Variants in FREM1 observed in about 807,000 individuals in gnomAD.
FREM1 encodes the protein FRAS1 related extracellular matrix 1, also known as FRAS1-related extracellular matrix protein 1.
FREM1 carries 220 observed loss-of-function variants against 210.1 expected under a neutral mutation model. The ratio of observed to expected loss-of-function variants is 1.05; its 90% CI spans 0.94 to 1.17. The LOEUF (loss-of-function observed/expected upper bound fraction) is 1.17. Ranked by LOEUF, FREM1 falls within the 50% of genes most tolerant of loss-of-function variation. FREM1 has a pLI of 0.00. For missense variants in FREM1, 3,454 were observed against 2,675.5 expected (o/e 1.29, Z -6.42); for synonymous variants, 1,189 against 980.2 (o/e 1.21, Z -3.98).
At chr9:14,767,883 C>T (rs1240835391) in intron 27 of FREM1, among the ~76,000 whole-genome samples, 3 of 152,098 alleles carry the variant, frequency 2.0e-5, no homozygotes, top group Admixed American at 6.6e-5. Context: ...TTTGTTCAGT[C>T]ATGAACAAAT....
At chr9:14,859,568 T>C (rs1218230900) in intron 3 of FREM1, 84 bp from the exon 4 acceptor site, 1 of 1,194,150 alleles carries the variant, frequency 8.4e-7, no homozygotes, top group East Asian at 2.4e-5. Context: ...AGACTAAAGA[T>C]TGGCCTTCAC....
chr9:14,765,943 A>T (rs536511875), intron 27 of FREM1, among the ~76,000 whole-genome samples: 1 of 152,334 alleles, frequency 6.6e-6, no homozygotes, highest in South Asian at 2.1e-4. Flanking sequence ...GGTCCACAAA[A>T]GTGCTTTTCA....
At chr9:14,865,586 G>A (rs558776642) in intron 2 of FREM1, among the ~76,000 whole-genome samples, 4 of 151,776 alleles carry the variant, frequency 2.6e-5, no homozygotes, top group African/African-American at 4.8e-5. Flanking sequence ...TAATACAGTC[G>A]TCTTGCTAGA....
At chr9:14,823,960 G>T in intron 12 of FREM1, 65 bp downstream of exon 12, 1 of 902,594 alleles carries the variant, frequency 1.1e-6, no homozygotes, top group Non-Finnish European at 1.7e-6. Context: ...ACAATACTAG[G>T]CATGCCATAC....
In FREM1 at chr9:14,756,456, G is replaced by GAA. The variant is rs140882884; in HGVS notation, c.5335-12_5335-11dup. The GAA allele has an allele frequency of 4.6e-6, 7 of 1,523,520 alleles. No homozygotes were observed. The highest frequency in any genetic ancestry group is 4.2e-5 in the African/African-American group (3 of 72,200). The allele number at this position is 1,523,520 out of a possible 1,614,324, so 94.4% of individuals were successfully genotyped here. ...CTGACACTTGGTTGACCTTAGGAGG[G>GAA]AAAAAAAAATCTTTTTAAGATAAAA... On this transcript the variant is annotated splice_polypyrimidine_tract_variant and intron_variant, in intron 28 of 36. Transcript: ENST00000380880.
At chr9:14,779,570 A>C in intron 24 of FREM1, 41 of 797,022 alleles carry the variant, frequency 5.1e-5, no homozygotes, top group Admixed American at 6.2e-5. Context: ...CTCAAAGCTC[A>C]TCTCAGGACG....
chr9:14,827,386 G>C (rs192611722), intron 10 of FREM1, among the ~76,000 whole-genome samples: 5 of 152,330 alleles, frequency 3.3e-5, no homozygotes, highest in African/African-American at 4.8e-5. Flanking sequence ...AGGCAGAACT[G>C]AGCAGGGATG....
At chr9:14,882,441 TA>T (rs201305918) in intron 1 of FREM1, among the ~76,000 whole-genome samples, 8 of 151,036 alleles carry the variant, frequency 5.3e-5, no homozygotes, top group African/African-American at 1.7e-4. Flanking sequence ...TCCCGATTAT[TA>T]TTTTTTTAAT....
In FREM1 at chr9:14,845,980, T is replaced by C. The variant is rs375554558; in HGVS notation, c.1373A>G (p.His458Arg). 83 of 1,613,540 alleles carry C rather than the reference T, an allele frequency of 5.1e-5. No individual in the cohort carries two copies. The highest frequency in any genetic ancestry group is 6.9e-5 in the Non-Finnish European group (81 of 1,179,724). The change falls in exon 8 of 37, where the codon CAT becomes CGT. Residue 458 changes from histidine to arginine, a missense_variant. Coordinates refer to ENST00000380880, the MANE Select transcript of FREM1 (RefSeq NM_001379081.2). ...VRLVTVGGLQ[H>R]GWLTLRGGKG... Reference sequence around the variant, plus strand: ...TTCACCTCTTAAAGTCAGCCATCCATGCTGCAGGCCACCAACGGTGACTAG... The same window carrying C: ...TTCACCTCTTAAAGTCAGCCATCCACGCTGCAGGCCACCAACGGTGACTAG...
In FREM1 at chr9:14,784,645, TAA is replaced by T. The variant is rs751322869; in HGVS notation, c.4178-13_4178-12del. The T allele has an allele frequency of 5.9e-6, 9 of 1,532,780 alleles. No individual in the cohort carries two copies. The highest frequency in any genetic ancestry group is 1.4e-5 in the African/African-American group (1 of 73,506). 94.9% of individuals were successfully genotyped at this position (1,532,780 alleles called of 1,614,324 possible). The stretch of plus-strand genomic sequence containing the variant: ...GGATGACAATATCACCTACATGACA[TAA>T]GAGGTTATGGTCAATAATCATATCA... On this transcript the variant is annotated splice_polypyrimidine_tract_variant and intron_variant, in intron 23 of 36. Coordinates refer to ENST00000380880, the MANE Select transcript of FREM1 (RefSeq NM_001379081.2).
In FREM1 at chr9:14,738,311, C is replaced by T. The variant is rs185278514; in HGVS notation, c.6341-716G>A. The stretch of plus-strand genomic sequence containing the variant: ...AGGAACTCCCTGCCATAGCATGATC[C>T]GACATTCCCCAAATCAAATTTGACC... On this transcript the variant is annotated intron_variant, in intron 36 of 36. Coordinates refer to ENST00000380880, the MANE Select transcript of FREM1 (RefSeq NM_001379081.2). 2.5e-3 allele frequency among the ~76,000 whole-genome samples: 375 copies of T among 152,170 alleles called. 2 individuals carry two copies. The highest frequency in any genetic ancestry group is 1.4e-3 in the Non-Finnish European group (93 of 68,012).
rs1552896 is a variant in FREM1, at chr9:14,841,389, C to G, written c.1881+58G>C. The G allele has an allele frequency of 0.21, 287,930 of 1,381,686 alleles. 32,641 individuals are homozygous for G. Among genetic ancestry groups the G allele is most frequent in the Middle Eastern group, 0.26 (1,398 of 5,336 alleles). 85.6% of individuals were successfully genotyped at this position (1,381,686 alleles called of 1,614,324 possible). The stretch of plus-strand genomic sequence containing the variant: ...TTTCATGTGGTTTCTAACCACATCT[C>G]CTAGAATTGACACCTGTGCACAAGA... On this transcript the variant is annotated intron_variant, in intron 10 of 36. Transcript: ENST00000380880.
chr9:14,889,325 C>A (rs956993725), intron 1 of FREM1, among the ~76,000 whole-genome samples: 3 of 152,242 alleles, frequency 2.0e-5, no homozygotes, highest in Non-Finnish European at 4.4e-5. Context: ...AATCTTTATT[C>A]ATCTCCCAAG....
At chr9:14,761,603 C>T (rs1438746868) in intron 27 of FREM1, among the ~76,000 whole-genome samples, 1 of 152,152 alleles carries the variant, frequency 6.6e-6, no homozygotes, top group Non-Finnish European at 1.5e-5. Flanking sequence ...TGTGGTCAAC[C>T]GTGATCTGAA....
intron 1 of FREM1, among the ~76,000 whole-genome samples, chr9:14,888,854 T>G (rs1192333786): frequency 2.0e-5 from 3 of 152,206 alleles, no homozygotes; most frequent in Non-Finnish European, 4.4e-5. Flanking sequence ...GAAAATAACT[T>G]TTTTTAAAAT....
At chr9:14,805,262 A>T in intron 18 of FREM1, 110 bp from the exon 19 acceptor site, 1 of 581,120 alleles carries the variant, frequency 1.7e-6, no homozygotes, top group African/African-American at 1.8e-5. Context: ...CAAATAAGAG[A>T]TCATAGCAGT....
At chr9:14,801,203 G>C (rs1817221191) in intron 20 of FREM1, among the ~76,000 whole-genome samples, 1 of 152,078 alleles carries the variant, frequency 6.6e-6, no homozygotes, top group South Asian at 2.1e-4. Context: ...TCACCATGTT[G>C]GCCAGGCTGG....
chr9:14,902,375 A>C (rs1588674328), intron 1 of FREM1, among the ~76,000 whole-genome samples: 1 of 152,174 alleles, frequency 6.6e-6, no homozygotes, highest in Admixed American at 6.5e-5. Context: ...GAAAAAAACT[A>C]AAGTGGGGGA....
At chr9:14,806,003 G>C (rs905678544) in intron 18 of FREM1, among the ~76,000 whole-genome samples, 2 of 152,182 alleles carry the variant, frequency 1.3e-5, no homozygotes, top group South Asian at 4.1e-4. Context: ...AAGGTTGTGA[G>C]AATGAGACCT....
Sources: gnomAD v4.1 joint callset for allele counts (sites outside exome capture counted in the v4.1 genomes callset) on GRCh38, gnomAD v4.1.1 for gene constraint, MANE v1.5 for transcripts, NCBI Gene and HGNC (gene_info 2026-07-23, HGNC 2026-07-21) for gene names.